The following PLD5 variants were observed in gnomAD, a reference collection of about 807,000 sequenced individuals.
The protein encoded by PLD5 is phospholipase D family member 5, also known as inactive phospholipase D5.
PLD5 carries 36 observed loss-of-function variants against 61.1 expected under a neutral mutation model. The ratio of observed to expected loss-of-function variants is 0.59; its 90% CI spans 0.45 to 0.78. PLD5 has a LOEUF of 0.78. Ranked by LOEUF, PLD5 falls within the 30% of genes least tolerant of loss-of-function variation. The pLI is 0.00. For missense variants in PLD5, 515 were observed against 644.4 expected (o/e 0.80, Z 2.17); for synonymous variants, 243 against 242.8 (o/e 1.00, Z -0.01).
At chr1:242,253,874 G>A (rs1407523407) in intron 4 of PLD5, among the ~76,000 whole-genome samples, 1 of 152,216 alleles carries the variant, frequency 6.6e-6, no homozygotes, top group African/African-American at 2.4e-5. Context: ...TATATTATAT[G>A]TATCAGATGA....
At chr1:242,481,181 T>A (rs1667762185) in intron 1 of PLD5, among the ~76,000 whole-genome samples, 1 of 152,166 alleles carries the variant, frequency 6.6e-6, no homozygotes. Context: ...GGTACCAGGT[T>A]CATCTCACTG....
intron 1 of PLD5, among the ~76,000 whole-genome samples, chr1:242,441,824 G>A (rs542075729): frequency 2.6e-5 from 4 of 152,224 alleles, no homozygotes; most frequent in African/African-American, 4.8e-5. Context: ...TGCCAAAGTT[G>A]AAGCATCAGT....
intron 8 of PLD5, among the ~76,000 whole-genome samples, 180 bp from the exon 9 acceptor site, chr1:242,100,962 C>A (rs933648219): frequency 6.6e-6 from 1 of 152,142 alleles, no homozygotes; most frequent in African/African-American, 2.4e-5. Flanking sequence ...AAATAGGCAA[C>A]AAGAGAAAAT....
chr1:242,462,022 G>GC (rs1667134556), intron 1 of PLD5, among the ~76,000 whole-genome samples: 1 of 152,178 alleles, frequency 6.6e-6, no homozygotes, highest in Non-Finnish European at 1.5e-5. Flanking sequence ...ATACAGAGCT[G>GC]TATGTTTGCT....
At chr1:242,431,362 A>G (rs1369183063) in intron 1 of PLD5, among the ~76,000 whole-genome samples, 1 of 152,242 alleles carries the variant, frequency 6.6e-6, no homozygotes, top group Non-Finnish European at 1.5e-5. Flanking sequence ...TAAAGGATAA[A>G]AAAGGCCACC....
intron 5 of PLD5, among the ~76,000 whole-genome samples, chr1:242,171,097 C>A (rs1285643022): frequency 6.6e-6 from 1 of 152,104 alleles, no homozygotes; most frequent in Non-Finnish European, 1.5e-5. Flanking sequence ...TCAGATACAA[C>A]AGGGTTGAAA....
intron 2 of PLD5, among the ~76,000 whole-genome samples, chr1:242,344,609 T>C (rs893751001): frequency 2.0e-5 from 3 of 152,220 alleles, no homozygotes; most frequent in Non-Finnish European, 4.4e-5. Flanking sequence ...CCTGATGCTT[T>C]GGCATGGGTT....
At chr1:242,430,761 C>T (rs1477154897) in intron 1 of PLD5, among the ~76,000 whole-genome samples, 3 of 152,194 alleles carry the variant, frequency 2.0e-5, no homozygotes, top group Non-Finnish European at 4.4e-5. Flanking sequence ...ACATCACTCA[C>T]AGGCACATGT....
At chr1:242,438,397 G>A (rs1666107959) in intron 1 of PLD5, among the ~76,000 whole-genome samples, 1 of 149,210 alleles carries the variant, frequency 6.7e-6, no homozygotes, top group African/African-American at 2.5e-5. Context: ...CCAAATAGCT[G>A]GGACTACAGG....
chr1:242,436,423 T>C (rs1665998776), intron 1 of PLD5, among the ~76,000 whole-genome samples: 1 of 152,204 alleles, frequency 6.6e-6, no homozygotes, highest in South Asian at 2.1e-4. Context: ...AGGGTCATTT[T>C]ATATCAAGAT....
At chr1:242,286,537 T>C (rs116009670) in intron 3 of PLD5, among the ~76,000 whole-genome samples, 6,051 of 152,006 alleles carry the variant, frequency 0.04, 243 homozygotes, top group African/African-American at 0.1. Context: ...AATGAAGTGA[T>C]CCTATCTCCC....
intron 5 of PLD5, among the ~76,000 whole-genome samples, chr1:242,186,285 C>T (rs985141176): frequency 7.2e-5 from 11 of 151,882 alleles, no homozygotes; most frequent in African/African-American, 1.7e-4. Context: ...CGGGTTCAAG[C>T]GAACCTCCTG....
At chr1:242,383,100 G>A (rs1662392571) in intron 1 of PLD5, among the ~76,000 whole-genome samples, 1 of 152,104 alleles carries the variant, frequency 6.6e-6, no homozygotes, top group Non-Finnish European at 1.5e-5. Context: ...CTTAGCAGCT[G>A]CTGGAATGGA....
At chr1:242,318,795 C>CT (rs1658192333) in intron 2 of PLD5, among the ~76,000 whole-genome samples, 1 of 151,796 alleles carries the variant, frequency 6.6e-6, no homozygotes, top group South Asian at 2.1e-4. Context: ...TAGGCTATAA[C>CT]TTTTTTAAAT....
chr1:242,323,273 G>A (rs888363646), intron 2 of PLD5, among the ~76,000 whole-genome samples: 11 of 152,148 alleles, frequency 7.2e-5, no homozygotes, highest in African/African-American at 2.4e-4. Context: ...GTGATTAATG[G>A]AAATATAAAA....
intron 5 of PLD5, chr1:242,203,594 TAA>T (rs1413068885): frequency 2.0e-5 from 3 of 152,418 alleles, no homozygotes; most frequent in African/African-American, 4.8e-5. Flanking sequence ...TCTGATTGTT[TAA>T]AAGAGTGCAG....
At chr1:242,241,081 C>T (rs1427289929) in intron 4 of PLD5, among the ~76,000 whole-genome samples, 2 of 152,116 alleles carry the variant, frequency 1.3e-5, no homozygotes, top group East Asian at 1.9e-4. Flanking sequence ...AGGAACACTA[C>T]GTTAGACGAG....
At chr1:242,387,628 TATTTTATATAAA>T (rs1662670736) in intron 1 of PLD5, among the ~76,000 whole-genome samples, 2 of 96,134 alleles carry the variant, frequency 2.1e-5, no homozygotes, top group East Asian at 5.4e-4. Flanking sequence ...GTATTTTATC[TATTTTATATAAA>T]ATTTTATCTA....
At chr1:242,096,923 C>T (rs375492306) in intron 9 of PLD5, among the ~76,000 whole-genome samples, 9 of 151,456 alleles carry the variant, frequency 5.9e-5, no homozygotes, top group South Asian at 2.1e-4. Context: ...CAACAGCCCC[C>T]GGTGTGTGAT....
Sources: gnomAD v4.1 joint callset for allele counts (sites outside exome capture counted in the v4.1 genomes callset) on GRCh38, gnomAD v4.1.1 for gene constraint, MANE v1.5 for transcripts, NCBI Gene and HGNC (gene_info 2026-07-23, HGNC 2026-07-21) for gene names.